The following BRCA1 variants were observed in gnomAD, a reference collection of about 807,000 sequenced individuals.
BRCA1 encodes the protein BRCA1 DNA repair associated, also known as breast cancer type 1 susceptibility protein.
In BRCA1, 140 loss-of-function variants were observed where a neutral mutation model predicts 173.7. The ratio of observed to expected loss-of-function variants is 0.81; its 90% CI spans 0.70 to 0.93. BRCA1 has a LOEUF of 0.93. Among genes scored for constraint, BRCA1 ranks in the 40% least tolerant of loss-of-function variants. The probability of loss-of-function intolerance (pLI) is 0.00; values close to 1 mark genes in which losing one functional copy is unlikely to be tolerated. For missense variants in BRCA1, 1,983 were observed against 2,172.5 expected (o/e 0.91, Z 1.73); for synonymous variants, 662 against 756.0 (o/e 0.88, Z 2.04).
chr17:43,083,316 C>A (rs1359776305), intron 11 of BRCA1, among the ~76,000 whole-genome samples: 1 of 151,944 alleles, frequency 6.6e-6, no homozygotes, highest in East Asian at 1.9e-4. Context: ...CCAAGACGCC[C>A]GGCTAATTTT....
In BRCA1 at chr17:43,054,310, G is replaced by A. The variant is rs539571067; in HGVS notation, c.5277+2742C>T. Among the ~76,000 whole-genome samples the A allele has an allele frequency of 2.0e-5, 3 of 152,306 alleles. No individual in the cohort carries two copies. The South Asian group carries it at 6.2e-4, about 32-fold the overall frequency. On this transcript the variant is annotated intron_variant, in intron 19 of 22. Coordinates refer to ENST00000357654, the MANE Select transcript of BRCA1 (RefSeq NM_007294.4). ...TTGATAGGCTCAGAAGGTAAAAACAGGCTGACCTCAGCAGTTCAAAACTCC... is the reference window on the plus strand; with the variant it reads ...TTGATAGGCTCAGAAGGTAAAAACAAGCTGACCTCAGCAGTTCAAAACTCC...
chr17:43,110,919 G>A (rs1237103421), intron 3 of BRCA1, among the ~76,000 whole-genome samples: 11 of 151,540 alleles, frequency 7.3e-5, no homozygotes, highest in Non-Finnish European at 1.6e-4. Flanking sequence ...TTGTCAACAT[G>A]GTGAAACCCT....
Position 43,094,067 on chromosome 17 carries a change from A to T in BRCA1, c.1464T>A (p.Thr488=), listed in dbSNP as rs1555591722. The T allele has an allele frequency of 1.2e-6, 2 of 1,614,124 alleles. No individual in the cohort carries two copies. Among genetic ancestry groups the T allele is most frequent in the South Asian group, 2.2e-5 (2 of 91,080 alleles). Residue 488 remains threonine (T), a synonymous_variant, in exon 10 of 23, where the codon ACT becomes ACA. Coordinates refer to ENST00000357654, the MANE Select transcript of BRCA1 (RefSeq NM_007294.4). ...TENLIIGAFV[T]EPQIIQERPL... is the part of the protein sequence containing the mutation. ...GACGCTCTTGTATTATCTGTGGCTC[A>T]GTAACAAATGCTCCTATAATTAGAT...
rs894641865 is a variant in BRCA1 at position 43,119,581 on chromosome 17, T to C, written c.81-3802A>G. On this transcript the variant is annotated intron_variant, in intron 2 of 22. Transcript: ENST00000357654. ...TGGGAAAATGCTTCACAACCTGAGA[T>C]GACTTGGGAAAAATGCTTCACAACC... Among the ~76,000 whole-genome samples, 12 of 152,170 alleles carry C rather than the reference T, an allele frequency of 7.9e-5. 1 individual carries two copies. The highest frequency in any genetic ancestry group is 1.5e-5 in the Non-Finnish European group (1 of 68,036).
Position 43,093,540 on chromosome 17 carries a change from C to G in BRCA1, c.1991G>C (p.Arg664Thr), listed in dbSNP as rs2154405778. Residue 664 changes from arginine (R) to threonine (T), a missense_variant, in exon 10 of 23, where the codon AGA (arginine) becomes ACA (threonine). Coordinates refer to ENST00000357654, the MANE Select transcript of BRCA1 (RefSeq NM_007294.4). ...KYNQMPVRHS[R>T]NLQLMEGKEP... Reference sequence around the variant, plus strand: ...TTTACCTTCCATGAGTTGTAGGTTTCTGCTGTGCCTGACTGGCATTTGGTT... The same window carrying G: ...TTTACCTTCCATGAGTTGTAGGTTTGTGCTGTGCCTGACTGGCATTTGGTT... 1 of 1,613,988 alleles carries G rather than the reference C, an allele frequency of 6.2e-7. No individual in the cohort carries two copies. The highest frequency in any genetic ancestry group is 8.5e-7 in the Non-Finnish European group (1 of 1,180,000).
At chr17:43,151,053 G>A (rs758056225) in intron 1 of BRCA1, among the ~76,000 whole-genome samples, 25 of 152,106 alleles carry the variant, frequency 1.6e-4, no homozygotes, top group Admixed American at 4.6e-4. Flanking sequence ...ATTCCCTAGG[G>A]CCCTCAGGGC....
At chr17:43,052,239 T>C (rs541121833) in intron 19 of BRCA1, among the ~76,000 whole-genome samples, 59 of 152,316 alleles carry the variant, frequency 3.9e-4, no homozygotes, top group African/African-American at 1.3e-3. Flanking sequence ...GCACTGGAGA[T>C]GTGGTTAGGG....
At chr17:43,135,599 G>A (rs1298786979) in intron 1 of BRCA1, among the ~76,000 whole-genome samples, 3 of 152,180 alleles carry the variant, frequency 2.0e-5, no homozygotes, top group African/African-American at 7.2e-5. Context: ...TTCGCAGGTC[G>A]CGGTCTTCGG....
At chr17:43,051,536 T>G (rs1397034933) in intron 19 of BRCA1, among the ~76,000 whole-genome samples, 1 of 152,182 alleles carries the variant, frequency 6.6e-6, no homozygotes, top group East Asian at 1.9e-4. Flanking sequence ...TTGGCTGAAG[T>G]TTGATGTTTA....
upstream of BRCA1, among the ~76,000 whole-genome samples, chr17:43,126,583 G>A (rs2055881827): frequency 6.6e-6 from 1 of 152,230 alleles, no homozygotes; most frequent in South Asian, 2.1e-4. Context: ...AATCGTTTTA[G>A]TGACAGGATG....
In BRCA1 at chr17:43,062,893, G is replaced by T. The variant is rs575489354; in HGVS notation, c.5193+440C>A. ...ATTACAGGCATGAGCCACTGCACCCGATTTTTTTTTTCTTTTGATGGAGTT... is the reference window on the plus strand; with the variant it reads ...ATTACAGGCATGAGCCACTGCACCCTATTTTTTTTTTCTTTTGATGGAGTT... On this transcript the variant is annotated intron_variant, in intron 18 of 22. Transcript: ENST00000357654. Among the ~76,000 whole-genome samples the T allele has an allele frequency of 2.0e-5, 3 of 151,746 alleles. No homozygotes were observed. The East Asian group carries it at 5.8e-4, about 29-fold the overall frequency.
chr17:43,053,800 T>C (rs1218899419), intron 19 of BRCA1, among the ~76,000 whole-genome samples: 3 of 151,650 alleles, frequency 2.0e-5, no homozygotes, highest in African/African-American at 4.9e-5. Flanking sequence ...AGAAACCCCA[T>C]CTCTACTAAA....
chr17:43,144,853 C>T (rs1017623266), intron 1 of BRCA1: 8 of 500,208 alleles, frequency 1.6e-5, no homozygotes, highest in Admixed American at 4.9e-5. Flanking sequence ...AGAGCAGCTC[C>T]GGTGGCGGGA....
intron 6 of BRCA1, 43 bp downstream of exon 6, chr17:43,104,079 A>G: frequency 1.4e-6 from 1 of 707,144 alleles, no homozygotes; most frequent in Non-Finnish European, 1.9e-6. Context: ...AGAAAAAAAA[A>G]AGAAAAGAAG....
intron 12 of BRCA1, among the ~76,000 whole-genome samples, 171 bp downstream of exon 12, chr17:43,082,231 CCT>C (rs2053029905): frequency 6.6e-6 from 1 of 152,132 alleles, no homozygotes; most frequent in Admixed American, 6.6e-5. Flanking sequence ...GCCTTGGGTC[CCT>C]CTGACTGGTA....
chr17:43,059,358 G>C (rs2051645897), intron 18 of BRCA1, among the ~76,000 whole-genome samples: 1 of 152,092 alleles, frequency 6.6e-6, no homozygotes. Context: ...CAGCTACTCG[G>C]GAGGCTGAGG....
chr17:43,100,662 A>G (rs866507744), intron 6 of BRCA1, among the ~76,000 whole-genome samples: 181 of 5,052 alleles, frequency 0.036, 9 homozygotes, highest in African/African-American at 0.057. Context: ...TATAACATAT[A>G]TATATATATA....
intron 1 of BRCA1, among the ~76,000 whole-genome samples, chr17:43,135,826 C>T (rs2056016608): frequency 6.6e-6 from 1 of 152,212 alleles, no homozygotes; most frequent in Admixed American, 6.5e-5. Context: ...GCGAGAGGCC[C>T]TGACCTCTGG....
Position 43,093,785 on chromosome 17 carries a change from C to T in BRCA1, c.1746G>A (p.Thr582=), listed in dbSNP as rs776115545. Residue 582 remains threonine, a synonymous_variant, in exon 10 of 23, where the codon ACG becomes ACA. Coordinates refer to ENST00000357654, the MANE Select transcript of BRCA1 (RefSeq NM_007294.4). ...TACTGCTGCTTATAGGTTCAGCTTT[C>T]GTTTTGAAAGCAGATTCTTTTTCGA... The part of the protein sequence containing the change: ...ESLEKESAFK[T]KAEPISSSIS... 1 of 1,613,588 alleles carries T rather than the reference C, an allele frequency of 6.2e-7. No homozygotes were observed. Among genetic ancestry groups the T allele is most frequent in the Admixed American group, 1.7e-5 (1 of 59,936 alleles).
Sources: allele counts gnomAD v4.1 joint callset (sites outside exome capture counted in the v4.1 genomes callset), GRCh38; gene constraint gnomAD v4.1.1; transcripts MANE v1.5; gene names NCBI Gene and HGNC (gene_info 2026-07-23, HGNC 2026-07-21).